Variants in SMYD1 observed in about 807,000 individuals in gnomAD.
SMYD1 encodes the protein SET and MYND domain containing 1.
SMYD1 carries 49 observed loss-of-function variants against 54.0 expected under a neutral mutation model. The ratio of observed to expected loss-of-function variants is 0.91; its 90% confidence interval spans 0.72 to 1.15. SMYD1 has a LOEUF of 1.15. Ranked by LOEUF, SMYD1 falls within the 50% of genes most tolerant of loss-of-function variation. The probability of loss-of-function intolerance (pLI) is 0.00; values close to 1 mark genes in which losing one functional copy is unlikely to be tolerated. For missense variants in SMYD1, 653 were observed against 639.6 expected, an observed-to-expected ratio of 1.02 and a Z score of -0.23; for synonymous variants, 269 against 234.2, an observed-to-expected ratio of 1.15 and a Z score of -1.36.
At chr2:88,078,817 A>G (rs4405761) in intron 1 of SMYD1, among the ~76,000 whole-genome samples, 148,904 of 152,358 alleles carry the variant, frequency 0.98, 72,781 homozygotes, top group East Asian at 1. Context: ...CCAGCCTTGC[A>G]GCTAAGCCCT....
chr2:88,097,191 G>A (rs1323142760), intron 6 of SMYD1, among the ~76,000 whole-genome samples: 1 of 152,208 alleles, frequency 6.6e-6, no homozygotes, highest in African/African-American at 2.4e-5. Flanking sequence ...GATGGGCAAA[G>A]AGATTTATCA....
At chr2:88,088,842 C>T (rs965065201) in intron 3 of SMYD1, among the ~76,000 whole-genome samples, 7 of 152,026 alleles carry the variant, frequency 4.6e-5, no homozygotes, top group Admixed American at 3.9e-4. Context: ...CCAAGCCAGA[C>T]GAGGCCATAA....
At chr2:88,099,824 G>C (rs1674678852) in intron 6 of SMYD1, among the ~76,000 whole-genome samples, 1 of 151,140 alleles carries the variant, frequency 6.6e-6, no homozygotes, top group Non-Finnish European at 1.5e-5. Flanking sequence ...CTTCCTCTTT[G>C]GCTCCTTTTC....
Position 88,111,815 on chromosome 2 carries a change from C to A in SMYD1, c.*1303C>A, listed in dbSNP as rs1334066629. On this transcript the variant is annotated 3_prime_UTR_variant, in exon 10 of 10. Coordinates refer to ENST00000419482, the MANE Select transcript of SMYD1 (RefSeq NM_198274.4). The stretch of plus-strand genomic sequence containing the variant: ...ATTTCTCACCAATGTTTTGGGAGAT[C>A]CTGGAAAAGATCCCTTCAGTTTGGG... 5.0e-6 allele frequency: 2 copies of A among 397,292 alleles called. No individual in the cohort carries two copies. The highest frequency in any genetic ancestry group is 9.2e-6 in the Non-Finnish European group (2 of 218,558). The allele number at this position is 397,292 out of a possible 1,614,324, so 24.6% of individuals were successfully genotyped here.
chr2:88,096,583 AC>A lies in SMYD1; in HGVS notation c.699-9del, dbSNP rs2104002574. 1 of 1,602,296 alleles carries A rather than the reference AC, an allele frequency of 6.2e-7. No homozygotes were observed. Among genetic ancestry groups the A allele is most frequent in the East Asian group, 2.2e-5 (1 of 44,756 alleles). Reference sequence around the variant, plus strand: ...TGGATTCGATTCACCTTTTCCTTTCACCCTGCTTCAGAATTGAGCTCCGGGC... The same window carrying A: ...TGGATTCGATTCACCTTTTCCTTTCACCTGCTTCAGAATTGAGCTCCGGGC... On this transcript the variant is annotated splice_polypyrimidine_tract_variant and intron_variant, in intron 5 of 9. Coordinates refer to ENST00000419482, the MANE Select transcript of SMYD1 (RefSeq NM_198274.4).
intron 6 of SMYD1, among the ~76,000 whole-genome samples, chr2:88,098,515 G>A (rs1674652320): frequency 6.6e-6 from 1 of 152,028 alleles, no homozygotes; most frequent in African/African-American, 2.4e-5. Context: ...ATCAAATTGA[G>A]TTTCTCTATC....
At chr2:88,098,675 A>G (rs1404198702) in intron 6 of SMYD1, among the ~76,000 whole-genome samples, 1 of 152,202 alleles carries the variant, frequency 6.6e-6, no homozygotes, top group Admixed American at 6.5e-5. Flanking sequence ...AGGCCTGTGT[A>G]CTAGTACTGG....
chr2:88,079,194 C>T lies in SMYD1; in HGVS notation c.138-5122C>T, dbSNP rs186541709. Among the ~76,000 whole-genome samples the T allele has an allele frequency of 4.0e-3, 606 of 152,332 alleles. 1 individual carries two copies. The highest frequency in any genetic ancestry group is 9.1e-3 in the Admixed American group (139 of 15,296). ...CCTGTCACCCAATCTTGGGTGAAGG[C>T]TGCTTTGCAGCAGCTGAAGGCTCTG... On this transcript the variant is annotated intron_variant, in intron 1 of 9. Transcript: ENST00000419482.
chr2:88,078,543 A>T (rs1432284390), intron 1 of SMYD1, among the ~76,000 whole-genome samples: 1 of 152,034 alleles, frequency 6.6e-6, no homozygotes, highest in Non-Finnish European at 1.5e-5. Flanking sequence ...CTTCCATAAT[A>T]CCCAACCCCA....
At chr2:88,099,879 G>A (rs1030416183) in intron 6 of SMYD1, among the ~76,000 whole-genome samples, 2 of 149,508 alleles carry the variant, frequency 1.3e-5, no homozygotes, top group Admixed American at 1.3e-4. Context: ...CGTTCATCTG[G>A]CCCTTCCCCC....
chr2:88,095,951 A>G (rs1674576481), intron 5 of SMYD1, among the ~76,000 whole-genome samples: 1 of 152,196 alleles, frequency 6.6e-6, no homozygotes, highest in Admixed American at 6.5e-5. Context: ...CTTGCTAACT[A>G]CCTTCAACCA....
intron 4 of SMYD1, among the ~76,000 whole-genome samples, chr2:88,092,049 C>G (rs1013089416): frequency 6.6e-6 from 1 of 152,204 alleles, no homozygotes; most frequent in African/African-American, 2.4e-5. Context: ...GGGCCCCCAA[C>G]AGCTCAGCTG....
At chr2:88,075,731 AG>A (rs1674047868) in intron 1 of SMYD1, among the ~76,000 whole-genome samples, 2 of 151,902 alleles carry the variant, frequency 1.3e-5, no homozygotes, top group African/African-American at 4.8e-5. Context: ...TTGTAGAGGC[AG>A]TGGTCTCACT....
At chr2:88,093,397 G>T (rs994238964) in intron 4 of SMYD1, 120 bp from the exon 5 acceptor site, 3 of 1,181,820 alleles carry the variant, frequency 2.5e-6, no homozygotes, top group Non-Finnish European at 1.3e-6. Context: ...TAGGATAAAG[G>T]TTATTGTGAT....
chr2:88,078,485 T>C (rs1674118115), intron 1 of SMYD1, among the ~76,000 whole-genome samples: 1 of 152,126 alleles, frequency 6.6e-6, no homozygotes, highest in Non-Finnish European at 1.5e-5. Flanking sequence ...AGCCAGTAGA[T>C]ATTGGAGTCA....
chr2:88,072,431 G>A lies in SMYD1; in HGVS notation c.137+4430G>A, dbSNP rs578146396. Among the ~76,000 whole-genome samples, 9 of 151,956 alleles carry A rather than the reference G, an allele frequency of 5.9e-5. No individual in the cohort carries two copies. In the South Asian group the frequency reaches 6.2e-4, roughly 11 times the overall value. ...CTCCCAAAGTGCTAGGATTACAGGC[G>A]TGAGCCACTGCGCCTGGCAGAAACA... On this transcript the variant is annotated intron_variant, in intron 1 of 9. Transcript: ENST00000419482.
chr2:88,089,059 G>C (rs1674404829), intron 3 of SMYD1, among the ~76,000 whole-genome samples: 1 of 152,198 alleles, frequency 6.6e-6, no homozygotes, highest in South Asian at 2.1e-4. Context: ...TGAGTCTAAG[G>C]ATTTGGCTCA....
intron 2 of SMYD1, among the ~76,000 whole-genome samples, 186 bp downstream of exon 2, chr2:88,084,678 G>A (rs540955203): frequency 1.1e-3 from 163 of 152,206 alleles, no homozygotes; most frequent in Non-Finnish European, 1.4e-3. Flanking sequence ...GCTGTTGACA[G>A]CAGTGATTCC....
intron 1 of SMYD1, among the ~76,000 whole-genome samples, chr2:88,081,475 C>T (rs1312706880): frequency 6.7e-6 from 1 of 148,452 alleles, no homozygotes; most frequent in African/African-American, 2.5e-5. Flanking sequence ...CTTGATCTGT[C>T]ACCCAGGCTG....
Sources: gnomAD v4.1 joint callset for allele counts (sites outside exome capture counted in the v4.1 genomes callset) on GRCh38, gnomAD v4.1.1 for gene constraint, MANE v1.5 for transcripts, NCBI Gene and HGNC (gene_info 2026-07-23, HGNC 2026-07-21) for gene names.